ROS1: variants seen among roughly 807,000 people sequenced by gnomAD.
ROS1 encodes ROS proto-oncogene 1, receptor tyrosine kinase.
In ROS1, 263 loss-of-function variants were observed where a neutral mutation model predicts 273.5. The observed-to-expected ratio is 0.96, with a 90% CI of 0.87 to 1.06. ROS1 has a LOEUF of 1.06. Among genes scored for constraint, ROS1 ranks in the 50% least tolerant of loss-of-function variants. The probability of loss-of-function intolerance (pLI) is 0.00; values close to 1 mark genes in which losing one functional copy is unlikely to be tolerated. For missense variants in ROS1, 2,833 were observed against 2,751.1 expected, an observed-to-expected ratio of 1.03 and a Z score of -0.67; for synonymous variants, 1,008 against 954.1, an observed-to-expected ratio of 1.06 and a Z score of -1.04.
At chr6:117,361,534 T>G (rs1464521816) in intron 22 of ROS1, among the ~76,000 whole-genome samples, 1 of 148,176 alleles carries the variant, frequency 6.7e-6, no homozygotes, top group African/African-American at 2.5e-5. Context: ...AATTTGAAAC[T>G]ATATATCTAT....
chr6:117,311,262 A>C, intron 39 of ROS1, 145 bp from the exon 40 acceptor site: 1 of 474,606 alleles, frequency 2.1e-6, no homozygotes, highest in Non-Finnish European at 3.7e-6. Context: ...TATGATTATA[A>C]GAATTCAAAC....
chr6:117,309,038 G>A (rs1775331730), intron 41 of ROS1, 110 bp from the exon 42 acceptor site: 1 of 1,046,096 alleles, frequency 9.6e-7, no homozygotes, highest in Non-Finnish European at 1.4e-6. Flanking sequence ...CTTTGTCAGT[G>A]TATTATTGGC....
rs528065752 is a variant in ROS1, at chr6:117,371,391, G to T, written c.2583-5101C>A. Among the ~76,000 whole-genome samples the T allele has an allele frequency of 2.6e-5, 4 of 152,234 alleles. No homozygotes were observed. In the South Asian group the frequency reaches 8.3e-4, roughly 32 times the overall value. ...AATTTACAGCCAAGCAAAATATAGG[G>T]GTAGAGGAAGCAGCAGGACGAGCCC... On this transcript the variant is annotated intron_variant, in intron 18 of 43. Coordinates refer to ENST00000368507, the MANE Select transcript of ROS1 (RefSeq NM_001378902.1).
chr6:117,400,098 G>C (rs1236581006), intron 7 of ROS1, among the ~76,000 whole-genome samples: 1 of 152,118 alleles, frequency 6.6e-6, no homozygotes, highest in African/African-American at 2.4e-5. Flanking sequence ...CCAGCAGATG[G>C]CATACTGACT....
rs767859718 is a variant in ROS1 at position 117,396,228 on chromosome 6, A to AC, written c.842dup (p.Pro282SerfsTer6). The AC allele has an allele frequency of 6.2e-7, 1 of 1,613,752 alleles. No homozygotes were observed. The highest frequency in any genetic ancestry group is 8.5e-7 in the Non-Finnish European group (1 of 1,179,742). ...TGGTAATACTAGATTCTGCTTCTGG[A>AC]CCCTCACCAACTTCATTTACTGCTG... On this transcript the variant is annotated frameshift_variant, in exon 9 of 44. Transcript: ENST00000368507. LOFTEE classifies it high-confidence loss of function.
At chr6:117,346,382 A>C (rs1044347245) in intron 27 of ROS1, among the ~76,000 whole-genome samples, 2 of 152,194 alleles carry the variant, frequency 1.3e-5, no homozygotes, top group East Asian at 1.9e-4. Context: ...TGTACCTAGA[A>C]ACTAGCAACA....
At chr6:117,390,733 T>C (rs1247697930) in intron 12 of ROS1, among the ~76,000 whole-genome samples, 1 of 152,076 alleles carries the variant, frequency 6.6e-6, no homozygotes, top group Non-Finnish European at 1.5e-5. Context: ...CACAAAGAAA[T>C]ACCCCACACA....
In ROS1 at chr6:117,360,251, A is replaced by G. The variant is rs575952843; in HGVS notation, c.3430+91T>C. On this transcript the variant is annotated intron_variant, in intron 23 of 43. Coordinates refer to ENST00000368507, the MANE Select transcript of ROS1 (RefSeq NM_001378902.1). Reference sequence around the variant, plus strand: ...AAACTTTAGCAAAGAGACAGTGTTCATATCCCTAAAGACACCAATGGGACA... The same window carrying G: ...AAACTTTAGCAAAGAGACAGTGTTCGTATCCCTAAAGACACCAATGGGACA... 3.5e-5 allele frequency: 34 copies of G among 984,768 alleles called. No homozygotes were observed. The Admixed American group carries it at 5.7e-4, about 16-fold the overall frequency. The allele number at this position is 984,768 out of a possible 1,614,324, so 61.0% of individuals were successfully genotyped here.
chr6:117,357,456 C>T (rs904420613), intron 25 of ROS1, among the ~76,000 whole-genome samples: 1 of 152,222 alleles, frequency 6.6e-6, no homozygotes, highest in Non-Finnish European at 1.5e-5. Flanking sequence ...CTGTGCAAGG[C>T]ATGCTGCCCA....
chr6:117,317,401 C>G, intron 38 of ROS1, 129 bp from the exon 39 acceptor site: 1 of 1,044,098 alleles, frequency 9.6e-7, no homozygotes, highest in Non-Finnish European at 1.4e-6. Flanking sequence ...GTCTCTAACA[C>G]TTCGTTTTCC....
At chr6:117,413,422 A>C (rs1477546190) in intron 4 of ROS1, among the ~76,000 whole-genome samples, 1 of 152,176 alleles carries the variant, frequency 6.6e-6, no homozygotes, top group East Asian at 1.9e-4. Context: ...ACTGATAAAT[A>C]ATGTAGCTTC....
intron 4 of ROS1, among the ~76,000 whole-genome samples, chr6:117,413,779 C>T (rs1035194711): frequency 7.9e-5 from 12 of 151,976 alleles, no homozygotes; most frequent in Admixed American, 7.2e-4. Context: ...ATCAGGAGTT[C>T]GAGATCAGCC....
intron 33 of ROS1, chr6:117,328,422 C>T (rs905321356): frequency 1.3e-5 from 4 of 310,300 alleles, no homozygotes; most frequent in Non-Finnish European, 2.5e-5. Context: ...CAAGACAGTT[C>T]TGCAGGTTAG....
At position 117,342,448 on chromosome 6, in the gene ROS1, C is replaced by T. The variant is rs202169003; in HGVS notation, c.4603G>A (p.Glu1535Lys). ...AVKNYYSDPL[E>K]HLPPGKEIWG... Reference sequence around the variant, plus strand: ...ATCTCTTTTCCTGGTGGTAAATGTTCCAAAGGATCTGAATAATAATTTTTT... The same window carrying T: ...ATCTCTTTTCCTGGTGGTAAATGTTTCAAAGGATCTGAATAATAATTTTTT... The change falls in exon 29 of 44, where the codon GAA becomes AAA. Residue 1535 changes from glutamate to lysine, a missense_variant. Transcript: ENST00000368507. 15 of 1,611,290 alleles carry T rather than the reference C, an allele frequency of 9.3e-6. No homozygotes were observed. Among genetic ancestry groups the T allele is most frequent in the African/African-American group, 1.3e-5 (1 of 74,866 alleles).
At chr6:117,318,366 C>G in intron 37 of ROS1, 114 bp from the exon 38 acceptor site, 1 of 757,546 alleles carries the variant, frequency 1.3e-6, no homozygotes, top group South Asian at 1.6e-5. Flanking sequence ...AAGCTGGAAA[C>G]AGATCGTAGA....
intron 39 of ROS1, among the ~76,000 whole-genome samples, chr6:117,312,448 C>T (rs567381496): frequency 1.6e-4 from 25 of 152,212 alleles, no homozygotes; most frequent in African/African-American, 5.8e-4. Flanking sequence ...GACCTTACTC[C>T]CAAATCAATA....
At chr6:117,370,423 T>C (rs899523743) in intron 18 of ROS1, among the ~76,000 whole-genome samples, 2 of 152,136 alleles carry the variant, frequency 1.3e-5, no homozygotes, top group African/African-American at 4.8e-5. Context: ...AATGTGTGAA[T>C]ATCTCTGGAC....
At chr6:117,379,858 A>G (rs1012819205) in intron 17 of ROS1, among the ~76,000 whole-genome samples, 5 of 152,196 alleles carry the variant, frequency 3.3e-5, no homozygotes, top group South Asian at 2.1e-4. Flanking sequence ...ATGTTTATGT[A>G]TTAAAATTGA....
At chr6:117,346,672 T>C (rs991744450) in intron 27 of ROS1, among the ~76,000 whole-genome samples, 5 of 151,920 alleles carry the variant, frequency 3.3e-5, no homozygotes, top group Non-Finnish European at 7.4e-5. Flanking sequence ...TCTCCACACA[T>C]GCATAACTTT....
Sources: allele counts gnomAD v4.1 joint callset (sites outside exome capture counted in the v4.1 genomes callset), GRCh38; gene constraint gnomAD v4.1.1; transcripts MANE v1.5; gene names NCBI Gene and HGNC (gene_info 2026-07-23, HGNC 2026-07-21).